The following NIPAL2 variants were observed in gnomAD, a reference collection of about 807,000 sequenced individuals.
NIPAL2 encodes NIPA like domain containing 2.
A neutral mutation model predicts 48.9 loss-of-function variants in NIPAL2; 43 were observed. That is an observed-to-expected ratio of 0.88 (90% confidence interval 0.69 to 1.13). NIPAL2 has a LOEUF of 1.13. NIPAL2 is among the 50% of genes most tolerant of loss of function. NIPAL2 has a pLI of 0.00. For synonymous variants in NIPAL2, 167 were observed against 174.6 expected (o/e 0.96, Z 0.34); for missense variants, 446 against 461.4 (o/e 0.97, Z 0.31).
intron 1 of NIPAL2, among the ~76,000 whole-genome samples, chr8:98,254,294 C>T (rs1466066503): frequency 2.0e-5 from 3 of 152,036 alleles, no homozygotes; most frequent in African/African-American, 7.2e-5. Flanking sequence ...TCACTTGGTC[C>T]TTTATGAATT....
intron 1 of NIPAL2, among the ~76,000 whole-genome samples, chr8:98,279,468 G>C (rs1230754251): frequency 6.6e-6 from 1 of 152,104 alleles, no homozygotes; most frequent in Admixed American, 6.5e-5. Context: ...AGAATTAATG[G>C]AAGTTTAAAC....
intron 1 of NIPAL2, among the ~76,000 whole-genome samples, chr8:98,290,753 A>T (rs1245031666): frequency 6.6e-6 from 1 of 152,200 alleles, no homozygotes; most frequent in African/African-American, 2.4e-5. Context: ...AATCTTTAAA[A>T]ATGCATATGG....
At chr8:98,268,714 G>T (rs1395288409) in intron 1 of NIPAL2, among the ~76,000 whole-genome samples, 4 of 151,806 alleles carry the variant, frequency 2.6e-5, no homozygotes, top group Admixed American at 6.6e-5. Flanking sequence ...AGATATTGCA[G>T]GTTTGGTTCC....
chr8:98,288,478 G>A (rs564026719), intron 1 of NIPAL2, among the ~76,000 whole-genome samples: 9 of 151,412 alleles, frequency 5.9e-5, no homozygotes, highest in African/African-American at 9.7e-5. Context: ...CTTTGCTATC[G>A]TGAATAATGC....
chr8:98,191,797 G>C lies in NIPAL2; in HGVS notation c.*1181C>G, dbSNP rs982899265. ...CCTGCAAATGTGTCTTAGCAGATAT[G>C]TGATGAATTGGAGTGGAAAAGCCAT... is the stretch of plus-strand genomic sequence containing the variant. On this transcript the variant is annotated 3_prime_UTR_variant, in exon 11 of 11. Coordinates refer to ENST00000430223, the MANE Select transcript of NIPAL2 (RefSeq NM_001321635.2). The C allele has an allele frequency of 6.6e-6, 1 of 152,206 alleles. No individual in the cohort carries two copies. The highest frequency in any genetic ancestry group is 1.5e-5 in the Non-Finnish European group (1 of 68,028). 9.4% of individuals were successfully genotyped at this position (152,206 alleles called of 1,614,324 possible).
chr8:98,288,203 A>G (rs1165796240), intron 1 of NIPAL2, among the ~76,000 whole-genome samples: 1 of 89,372 alleles, frequency 1.1e-5, no homozygotes, highest in Non-Finnish European at 2.1e-5. Context: ...CCCCCACCCC[A>G]CAACAGTCCC....
intron 1 of NIPAL2, among the ~76,000 whole-genome samples, chr8:98,286,973 G>A (rs999780763): frequency 2.0e-5 from 3 of 152,108 alleles, no homozygotes; most frequent in Non-Finnish European, 2.9e-5. Context: ...CAATTAGGAC[G>A]CTTTGGTGGG....
chr8:98,279,624 G>A (rs890974107), intron 1 of NIPAL2, among the ~76,000 whole-genome samples: 4 of 152,120 alleles, frequency 2.6e-5, no homozygotes, highest in Admixed American at 6.5e-5. Context: ...TGAGCCCAAG[G>A]CACCCAGGTC....
intron 1 of NIPAL2, among the ~76,000 whole-genome samples, chr8:98,289,814 G>A (rs1489169724): frequency 6.6e-6 from 1 of 152,204 alleles, no homozygotes; most frequent in Non-Finnish European, 1.5e-5. Context: ...CCTCTACTCA[G>A]CCCTTTGATT....
chr8:98,210,086 A>T (rs1811238091), intron 6 of NIPAL2, among the ~76,000 whole-genome samples: 1 of 151,890 alleles, frequency 6.6e-6, no homozygotes, highest in Non-Finnish European at 1.5e-5. Flanking sequence ...TTTTAAGAAC[A>T]TGTTGTGTTT....
At chr8:98,224,338 T>A (rs1264660166) in intron 4 of NIPAL2, among the ~76,000 whole-genome samples, 1 of 152,094 alleles carries the variant, frequency 6.6e-6, no homozygotes, top group Non-Finnish European at 1.5e-5. Flanking sequence ...TACATGAGGT[T>A]TTTTTTTACA....
At chr8:98,253,937 A>T in intron 2 of NIPAL2, 82 bp downstream of exon 2, 1 of 792,640 alleles carries the variant, frequency 1.3e-6, no homozygotes, top group Non-Finnish European at 2.0e-6. Flanking sequence ...AGCCACAAAG[A>T]CAAAAGTGCC....
At chr8:98,275,459 T>C (rs1023987622) in intron 1 of NIPAL2, among the ~76,000 whole-genome samples, 2 of 152,330 alleles carry the variant, frequency 1.3e-5, no homozygotes, top group African/African-American at 4.8e-5. Context: ...CTGAGTAGTA[T>C]TCCATGGTAT....
chr8:98,280,736 C>CCATATATATATATATATA (rs1554578510), intron 1 of NIPAL2, among the ~76,000 whole-genome samples: 1 of 39,030 alleles, frequency 2.6e-5, no homozygotes, highest in African/African-American at 8.7e-5. Flanking sequence ...TAGTCCATTA[C>CCATATATATATATATATA]TATATATATA....
At chr8:98,272,065 A>C (rs1815169286) in intron 1 of NIPAL2, among the ~76,000 whole-genome samples, 2 of 152,104 alleles carry the variant, frequency 1.3e-5, no homozygotes, top group South Asian at 4.2e-4. Flanking sequence ...ATGGTGAATT[A>C]ATTTTATGGT....
intron 6 of NIPAL2, among the ~76,000 whole-genome samples, chr8:98,209,947 T>C (rs1811228970): frequency 6.6e-6 from 1 of 152,082 alleles, no homozygotes; most frequent in Non-Finnish European, 1.5e-5. Context: ...ATTTCCTCCA[T>C]AGTTATTTTC....
intron 5 of NIPAL2, among the ~76,000 whole-genome samples, chr8:98,216,381 A>T (rs1012982899): frequency 9.2e-5 from 14 of 152,248 alleles, no homozygotes; most frequent in African/African-American, 3.1e-4. Context: ...TAAAGAACAG[A>T]ATGTAGTCTG....
chr8:98,205,039 G>A, intron 7 of NIPAL2, 72 bp downstream of exon 7: 2 of 1,468,438 alleles, frequency 1.4e-6, no homozygotes, highest in Non-Finnish European at 1.9e-6. Context: ...ATCATCTGAA[G>A]CCAGTAAAGA....
intron 1 of NIPAL2, among the ~76,000 whole-genome samples, chr8:98,258,779 CT>C (rs34822136): frequency 0.96 from 145,058 of 150,746 alleles, 69,925 homozygotes; most frequent in African/African-American, 0.99. Context: ...TGCCACTTCC[CT>C]TTTTTTTTTG....
Sources: gnomAD v4.1 joint callset for allele counts (sites outside exome capture counted in the v4.1 genomes callset) on GRCh38, gnomAD v4.1.1 for gene constraint, MANE v1.5 for transcripts, NCBI Gene and HGNC (gene_info 2026-07-23, HGNC 2026-07-21) for gene names.